Variants in CENPP observed in about 807,000 individuals in gnomAD.
The protein encoded by CENPP is centromere protein P.
In CENPP, 24 loss-of-function variants were observed where a neutral mutation model predicts 35.6. That is an observed-to-expected ratio of 0.67 (90% CI 0.49 to 0.95). The LOEUF (loss-of-function observed/expected upper bound fraction) is 0.95, where lower values mean the gene tolerates loss of function less well. CENPP is among the 40% of genes least tolerant of loss of function. CENPP has a pLI of 0.00. For missense variants in CENPP, 332 were observed against 345.3 expected (o/e 0.96, Z 0.31); for synonymous variants, 120 against 125.5 (o/e 0.96, Z 0.29).
chr9:92,582,258 G>A (rs1013420686), intron 5 of CENPP, among the ~76,000 whole-genome samples: 10 of 151,946 alleles, frequency 6.6e-5, no homozygotes, highest in South Asian at 2.1e-4. Context: ...GGGTTTTGCC[G>A]TGTTGCCCAG....
chr9:92,352,727 A>G (rs1445647032), intron 4 of CENPP, among the ~76,000 whole-genome samples: 1 of 151,024 alleles, frequency 6.6e-6, no homozygotes, highest in Non-Finnish European at 1.5e-5. Flanking sequence ...GGCCAGTCTA[A>G]CCTTTTCATG....
At chr9:92,527,114 A>G (rs1022979592) in intron 5 of CENPP, among the ~76,000 whole-genome samples, 2 of 152,042 alleles carry the variant, frequency 1.3e-5, no homozygotes, top group African/African-American at 2.4e-5. Flanking sequence ...GCTCGAGCCA[A>G]TCTCACACCT....
intron 5 of CENPP, among the ~76,000 whole-genome samples, chr9:92,548,374 G>A (rs1036305767): frequency 1.3e-5 from 2 of 152,184 alleles, no homozygotes; most frequent in Admixed American, 1.3e-4. Flanking sequence ...TTTCAGCTCA[G>A]CAAAGGGAAC....
At chr9:92,595,711 G>T (rs969656845) in intron 5 of CENPP, among the ~76,000 whole-genome samples, 18 of 151,678 alleles carry the variant, frequency 1.2e-4, no homozygotes, top group African/African-American at 4.1e-4. Context: ...GATGACAGGC[G>T]TGCACCACCA....
In CENPP at chr9:92,539,425, A is replaced by T. The variant is rs192813708; in HGVS notation, c.565-71889A>T. Among the ~76,000 whole-genome samples, 161 of 141,744 alleles carry T rather than the reference A, an allele frequency of 1.1e-3. 1 individual carries two copies. The highest frequency in any genetic ancestry group is 1.4e-3 in the Non-Finnish European group (93 of 66,734). The allele number at this position is 141,744 out of a possible 152,430, so 93.0% of individuals were successfully genotyped here. On this transcript the variant is annotated intron_variant, in intron 5 of 7. Transcript: ENST00000375587. ...TGATTAGGGTATTTAGCTGTTAACT[A>T]CATTTTTATGGGTTTGAGTCCCATT... is the stretch of plus-strand genomic sequence containing the variant.
chr9:92,528,372 G>C (rs2094281), intron 5 of CENPP, among the ~76,000 whole-genome samples: 57,559 of 151,568 alleles, frequency 0.38, 13,597 homozygotes, highest in African/African-American at 0.67. Flanking sequence ...GGAAATCTGA[G>C]GACACCAAAG....
chr9:92,425,539 G>A (rs546255089), intron 5 of CENPP, among the ~76,000 whole-genome samples: 4 of 152,114 alleles, frequency 2.6e-5, no homozygotes, highest in Non-Finnish European at 5.9e-5. Context: ...AGTTCATTTT[G>A]GGGGGGAATT....
chr9:92,522,537 C>T (rs749186443), intron 5 of CENPP: 6 of 1,519,258 alleles, frequency 3.9e-6, no homozygotes, highest in South Asian at 1.3e-5. Flanking sequence ...TCTCACCCTC[C>T]TCCCTCTTTC....
intron 5 of CENPP, among the ~76,000 whole-genome samples, chr9:92,561,973 G>T (rs770362820): frequency 6.6e-6 from 1 of 152,076 alleles, no homozygotes; most frequent in Non-Finnish European, 1.5e-5. Context: ...GACTTTTCAG[G>T]CTAAGTGAAA....
chr9:92,545,410 G>T (rs1849412439), intron 5 of CENPP, among the ~76,000 whole-genome samples: 1 of 152,190 alleles, frequency 6.6e-6, no homozygotes, highest in Non-Finnish European at 1.5e-5. Context: ...GCTGCGGAGG[G>T]TGCGTCGGGT....
rs574737850 is a variant in CENPP at position 92,352,284 on chromosome 9, C to T, written c.467+6497C>T. ...ACTCGGGAGGCTGAGGCACGAAAAT[C>T]GCTTGAACCGGGGAGGCGGAGGTTG... On this transcript the variant is annotated intron_variant, in intron 4 of 7. Coordinates refer to ENST00000375587, the MANE Select transcript of CENPP (RefSeq NM_001012267.3). Among the ~76,000 whole-genome samples, 24 of 150,166 alleles carry T rather than the reference C, an allele frequency of 1.6e-4. No homozygotes were observed. In the East Asian group the frequency reaches 1.8e-3, roughly 11 times the overall value.
chr9:92,518,025 G>T, intron 5 of CENPP: 1 of 954,856 alleles, frequency 1.0e-6, no homozygotes, highest in Non-Finnish European at 1.5e-6. Context: ...ATGTCGTATA[G>T]ACATAAGAAA....
intron 5 of CENPP, chr9:92,522,793 A>G: frequency 1.2e-6 from 2 of 1,613,266 alleles, no homozygotes; most frequent in Non-Finnish European, 1.7e-6. Flanking sequence ...CTTCCTAGGA[A>G]TTTCTTCATT....
At chr9:92,325,933 G>A (rs767431727), upstream of CENPP, 5 of 1,381,588 alleles carry the variant, frequency 3.6e-6, no homozygotes, top group South Asian at 2.5e-5. Flanking sequence ...GGCTTGAAGC[G>A]CGGGTGAAGC....
chr9:92,615,093 C>A lies in CENPP; in HGVS notation c.*1944C>A, dbSNP rs1851391491. On this transcript the variant is annotated 3_prime_UTR_variant, in exon 8 of 8. Transcript: ENST00000375587. ...GCTCCACCTCCAACTTCTACAGCAGCAATTTTTAGTGGGAAAGAACAGCTC... is the reference window on the plus strand; with the variant it reads ...GCTCCACCTCCAACTTCTACAGCAGAAATTTTTAGTGGGAAAGAACAGCTC... The A allele has an allele frequency of 6.6e-6, 1 of 152,146 alleles. No homozygotes were observed. The highest frequency in any genetic ancestry group is 2.4e-5 in the African/African-American group (1 of 41,382). The allele number at this position is 152,146 out of a possible 1,614,324, so 9.4% of individuals were successfully genotyped here.
rs571054233 is a variant in CENPP at position 92,372,433 on chromosome 9, T to G, written c.468-7330T>G. Among the ~76,000 whole-genome samples the G allele has an allele frequency of 1.0e-3, 152 of 152,314 alleles. 1 individual carries two copies. Among genetic ancestry groups the G allele is most frequent in the African/African-American group, 3.4e-3 (142 of 41,572 alleles). ...TGTTGTTTTATATATTCTTTGTTCC[T>G]GTCTTTTTCTCTTACAGTTTGTCAT... On this transcript the variant is annotated intron_variant, in intron 4 of 7. Coordinates refer to ENST00000375587, the MANE Select transcript of CENPP (RefSeq NM_001012267.3).
chr9:92,589,608 A>G (rs975536811), intron 5 of CENPP, among the ~76,000 whole-genome samples: 1 of 152,226 alleles, frequency 6.6e-6, no homozygotes, highest in Non-Finnish European at 1.5e-5. Flanking sequence ...TACCAACAGT[A>G]TGTGAAGTTC....
chr9:92,431,367 G>A (rs957988624), intron 5 of CENPP, among the ~76,000 whole-genome samples: 4 of 152,120 alleles, frequency 2.6e-5, no homozygotes, highest in Non-Finnish European at 4.4e-5. Flanking sequence ...ATAAGGGTAC[G>A]TTTGTTTAGA....
intron 4 of CENPP, among the ~76,000 whole-genome samples, chr9:92,356,983 A>G (rs1015480815): frequency 6.6e-6 from 1 of 152,192 alleles, no homozygotes; most frequent in African/African-American, 2.4e-5. Flanking sequence ...ATGTAAACTA[A>G]TAATTCTTTA....
Sources: allele counts gnomAD v4.1 joint callset (sites outside exome capture counted in the v4.1 genomes callset), GRCh38; gene constraint gnomAD v4.1.1; transcripts MANE v1.5; gene names NCBI Gene and HGNC (gene_info 2026-07-23, HGNC 2026-07-21).